Variants in PKHD1 observed in about 807,000 individuals in gnomAD.
The protein encoded by PKHD1 is PKHD1 ciliary IPT domain containing fibrocystin/polyductin.
A neutral mutation model predicts 412.0 loss-of-function variants in PKHD1; 291 were observed. The ratio of observed to expected loss-of-function variants is 0.71; its 90% CI spans 0.64 to 0.78. The LOEUF (loss-of-function observed/expected upper bound fraction) is 0.78, where lower values mean the gene tolerates loss of function less well. Ranked by LOEUF, PKHD1 falls within the 30% of genes least tolerant of loss-of-function variation. The pLI, the probability that PKHD1 is intolerant of heterozygous loss-of-function variation, is 0.00. For synonymous variants in PKHD1, 1,777 were observed against 1,821.5 expected (o/e 0.98, Z 0.62); for missense variants, 4,825 against 4,950.7 (o/e 0.97, Z 0.76).
chr6:51,954,744 TTGTG>T (rs10581395), intron 36 of PKHD1, among the ~76,000 whole-genome samples: 2 of 151,784 alleles, frequency 1.3e-5, no homozygotes, highest in African/African-American at 4.8e-5. Context: ...TTCTTTTGTG[TTGTG>T]TGTGTGTGAT....
Position 52,072,181 on chromosome 6 carries a change from A to G in PKHD1, c.536T>C (p.Ile179Thr), listed in dbSNP as rs764151818. 1.2e-6 allele frequency: 2 copies of G among 1,602,038 alleles called. No homozygotes were observed. The highest frequency in any genetic ancestry group is 1.7e-6 in the Non-Finnish European group (2 of 1,169,268). The change falls in exon 8 of 67, where the codon ATC becomes ACC. Residue 179 changes from isoleucine (I) to threonine (T), a missense_variant. Ile to Thr is a moderately conservative substitution (Grantham distance 89, BLOSUM62 -1). Coordinates refer to ENST00000371117, the MANE Select transcript of PKHD1 (RefSeq NM_138694.4). ...FDAEYIDSPV[I>T]LEAQGDKWVT... ...CCATTTGTCTCCTTGAGCTTCCAAG[A>G]TCACTGGGCTGGATTTAAAAAAAAA...
chr6:52,043,601 T>C (rs1805283688), intron 26 of PKHD1, 24 bp downstream of exon 26: 2 of 1,531,600 alleles, frequency 1.3e-6, no homozygotes, highest in Admixed American at 3.3e-5. Context: ...TAAGCCCATC[T>C]CAGAGCCAAG....
intron 21 of PKHD1, among the ~76,000 whole-genome samples, chr6:52,052,236 G>A (rs1806966073): frequency 6.6e-6 from 1 of 152,172 alleles, no homozygotes; most frequent in Admixed American, 6.5e-5. Flanking sequence ...GGAAACATGA[G>A]CAAAAGTTGG....
At chr6:51,672,478 C>T in intron 60 of PKHD1, among the ~76,000 whole-genome samples, 1 of 152,090 alleles carries the variant, frequency 6.6e-6, no homozygotes, top group East Asian at 1.9e-4. Context: ...TGTTTTGGAG[C>T]CTTGCAAGGG....
Position 52,082,558 on chromosome 6 carries a change from G to T in PKHD1, c.131-16C>A. 1.2e-6 allele frequency: 2 copies of T among 1,613,634 alleles called. No individual in the cohort carries two copies. The highest frequency in any genetic ancestry group is 1.1e-5 in the South Asian group (1 of 91,058). On this transcript the variant is annotated splice_polypyrimidine_tract_variant and intron_variant, in intron 3 of 66. Coordinates refer to ENST00000371117, the MANE Select transcript of PKHD1 (RefSeq NM_138694.4). Reference sequence around the variant, plus strand: ...AACTCCAAACCTAACACAAGGGAAAGAAATCTCAGGCTGCATAGAATTGTC... The same window carrying T: ...AACTCCAAACCTAACACAAGGGAAATAAATCTCAGGCTGCATAGAATTGTC...
intron 57 of PKHD1, 126 bp downstream of exon 57, chr6:51,753,075 C>T (rs1786360705): frequency 2.4e-6 from 2 of 817,144 alleles, no homozygotes; most frequent in East Asian, 2.5e-5. Context: ...CTTCTCCAAG[C>T]ACAAAGGAAC....
At chr6:51,793,625 C>T (rs1182803222) in intron 52 of PKHD1, among the ~76,000 whole-genome samples, 2 of 152,212 alleles carry the variant, frequency 1.3e-5, no homozygotes, top group African/African-American at 4.8e-5. Flanking sequence ...ATTTTGTTTT[C>T]TGTTCCCGTG....
chr6:51,627,790 G>A (rs1767450144), intron 65 of PKHD1, among the ~76,000 whole-genome samples: 1 of 152,084 alleles, frequency 6.6e-6, no homozygotes, highest in African/African-American at 2.4e-5. Flanking sequence ...ATAGAAGATT[G>A]TATATCTTCA....
chr6:51,802,962 T>C (rs542902634), intron 52 of PKHD1, among the ~76,000 whole-genome samples: 1 of 132,980 alleles, frequency 7.5e-6, no homozygotes, highest in South Asian at 2.8e-4. Context: ...TTGTATCCTA[T>C]TTGTTTGTTA....
Position 51,748,390 on chromosome 6 carries a change from T to G in PKHD1, c.9226A>C (p.Ile3076Leu). The G allele has an allele frequency of 6.2e-7, 1 of 1,614,062 alleles. No homozygotes were observed. ...TTCACTTTGATTCCCGCCACCCAAA[T>G]GGTGGACCACGCTGGCTGTGTCATC... ...VLMTQPAWST[I>L]WVAGIKVNQV... is the part of the protein sequence containing the mutation. The change falls in exon 58 of 67, where the codon ATT becomes CTT. Residue 3076 changes from isoleucine to leucine, a missense_variant. Physicochemically the swap from Ile to Leu is conservative, Grantham distance 5. Transcript: ENST00000371117.
intron 55 of PKHD1, among the ~76,000 whole-genome samples, chr6:51,758,579 A>C (rs1787454340): frequency 6.6e-6 from 1 of 152,182 alleles, no homozygotes; most frequent in Non-Finnish European, 1.5e-5. Context: ...GCTTGTTGTT[A>C]TGAGCAAAAC....
chr6:51,659,245 G>A lies in PKHD1; in HGVS notation c.10881C>T (p.Cys3627=), dbSNP rs753883924. 6.8e-6 allele frequency: 11 copies of A among 1,613,692 alleles called. No homozygotes were observed. In the East Asian group the frequency reaches 2.2e-4, roughly 33 times the overall value. The change falls in exon 61 of 67, where the codon TGC becomes TGT. Residue 3627 remains cysteine, a synonymous_variant. Transcript: ENST00000371117. ...KRKRNCPTVT[C]TSHYRRVGQR... Reference sequence around the variant, plus strand: ...GACCAACTCTTCTATAATGACTAGTGCAAGTCACAGTAGGGCAATTGCGCT... The same window carrying A: ...GACCAACTCTTCTATAATGACTAGTACAAGTCACAGTAGGGCAATTGCGCT...
intron 52 of PKHD1, among the ~76,000 whole-genome samples, chr6:51,808,031 A>AT (rs1489580914): frequency 6.6e-6 from 1 of 152,122 alleles, no homozygotes; most frequent in Non-Finnish European, 1.5e-5. Flanking sequence ...GAATTGTACA[A>AT]TTTAAAAGGA....
intron 49 of PKHD1, among the ~76,000 whole-genome samples, chr6:51,854,400 C>T (rs1772905333): frequency 6.6e-6 from 1 of 152,052 alleles, no homozygotes; most frequent in African/African-American, 2.4e-5. Flanking sequence ...GGATCTCACC[C>T]AGTTTGGTGG....
chr6:52,075,674 G>T (rs1484021417), intron 6 of PKHD1, among the ~76,000 whole-genome samples: 1 of 152,146 alleles, frequency 6.6e-6, no homozygotes, highest in Non-Finnish European at 1.5e-5. Flanking sequence ...ATGAAGACTA[G>T]AGTTAATGAC....
At chr6:52,058,265 A>T in intron 16 of PKHD1, 58 bp downstream of exon 16, 1 of 1,572,040 alleles carries the variant, frequency 6.4e-7, no homozygotes, top group Non-Finnish European at 8.7e-7. Context: ...TGCTCCTGCT[A>T]CATGGGACTT....
Position 52,082,517 on chromosome 6 carries a change from G to A in PKHD1, c.156C>T (p.Pro52=). The change falls in exon 4 of 67, where the codon CCC becomes CCT. Residue 52 remains proline (P), a synonymous_variant. Coordinates refer to ENST00000371117, the MANE Select transcript of PKHD1 (RefSeq NM_138694.4). ...GTATCTCCAATTGAGAGCCATTGTT[G>A]GGGTAAAGAACACCCAACTCCAAAC... is the stretch of plus-strand genomic sequence containing the variant. ...FDGLELGVLY[P]NNGSQLEIHL... 1 of 1,613,994 alleles carries A rather than the reference G, an allele frequency of 6.2e-7. No homozygotes were observed. Among genetic ancestry groups the A allele is most frequent in the Non-Finnish European group, 8.5e-7 (1 of 1,179,926 alleles).
chr6:51,930,628 C>T (rs2127753556), intron 37 of PKHD1, among the ~76,000 whole-genome samples: 1 of 152,252 alleles, frequency 6.6e-6, no homozygotes, highest in East Asian at 1.9e-4. Context: ...ACATGCAGAC[C>T]ATTTGTGTGA....
intron 35 of PKHD1, among the ~76,000 whole-genome samples, chr6:51,963,248 G>A (rs527307439): frequency 3.9e-5 from 6 of 152,080 alleles, no homozygotes; most frequent in East Asian, 1.9e-4. Context: ...ACTCAGATTC[G>A]ATCTCATAAA....
Sources: gnomAD v4.1 joint callset for allele counts (sites outside exome capture counted in the v4.1 genomes callset) on GRCh38, gnomAD v4.1.1 for gene constraint, MANE v1.5 for transcripts, NCBI Gene and HGNC (gene_info 2026-07-23, HGNC 2026-07-21) for gene names.